TSGA10: variants seen among roughly 807,000 people sequenced by gnomAD.
The protein encoded by TSGA10 is testis specific 10.
Under a neutral mutation model 96.6 loss-of-function variants are expected in TSGA10, and 43 were observed. That is an observed-to-expected ratio of 0.44 (90% CI 0.35 to 0.57). The LOEUF (loss-of-function observed/expected upper bound fraction) is 0.57. Among genes scored for constraint, TSGA10 ranks in the 20% least tolerant of loss-of-function variants. The probability of loss-of-function intolerance (pLI) is 0.01; values close to 1 mark genes in which losing one functional copy is unlikely to be tolerated. For missense variants in TSGA10, 703 were observed against 834.4 expected (o/e 0.84, Z 1.94); for synonymous variants, 229 against 269.9 (o/e 0.85, Z 1.48).
At chr2:99,150,885 G>A in intron 1 of TSGA10, 1 of 1,243,522 alleles carries the variant, frequency 8.0e-7, no homozygotes, top group Non-Finnish European at 1.1e-6. Flanking sequence ...TTGACTAAGG[G>A]GGGTGTTGAA....
At chr2:99,018,873 C>T (rs533622346) in intron 18 of TSGA10, among the ~76,000 whole-genome samples, 1 of 152,254 alleles carries the variant, frequency 6.6e-6, no homozygotes, top group African/African-American at 2.4e-5. Context: ...ATTAGTTAAT[C>T]CTTCTCTGTT....
intron 17 of TSGA10, among the ~76,000 whole-genome samples, chr2:99,025,871 T>G (rs2080517158): frequency 6.6e-6 from 1 of 152,218 alleles, no homozygotes; most frequent in Non-Finnish European, 1.5e-5. Context: ...GGGAATGTGC[T>G]GCTCAATTTT....
intron 4 of TSGA10, among the ~76,000 whole-genome samples, chr2:99,112,173 C>T (rs2091874993): frequency 6.6e-6 from 1 of 152,078 alleles, no homozygotes; most frequent in East Asian, 1.9e-4. Flanking sequence ...TTAATGAATG[C>T]CTACTACCTG....
intron 11 of TSGA10, among the ~76,000 whole-genome samples, chr2:99,080,496 T>C (rs1361828697): frequency 6.6e-6 from 1 of 152,220 alleles, no homozygotes; most frequent in Non-Finnish European, 1.5e-5. Flanking sequence ...CCCAAATATG[T>C]ATCTTTCTCT....
Position 99,103,400 on chromosome 2 carries a change from T to C in TSGA10, c.611+567A>G, listed in dbSNP as rs539150034. ...AGTAAAACCACTCATGTAGAGGTCT[T>C]CAAAAACTCATTCTCCCAAGCTTAT... On this transcript the variant is annotated intron_variant, in intron 10 of 20. Coordinates refer to ENST00000393483, the MANE Select transcript of TSGA10 (RefSeq NM_025244.4). 6.6e-5 allele frequency among the ~76,000 whole-genome samples: 10 copies of C among 152,324 alleles called. No homozygotes were observed. The East Asian group carries it at 1.9e-3, about 29-fold the overall frequency.
chr2:99,018,133 C>T, intron 20 of TSGA10, 67 bp downstream of exon 20: 6 of 1,523,562 alleles, frequency 3.9e-6, no homozygotes, highest in South Asian at 1.3e-5. Context: ...TCCTTATTAC[C>T]CCAAATGTTC....
At chr2:99,122,850 T>C (rs978865855) in intron 2 of TSGA10, among the ~76,000 whole-genome samples, 5 of 151,976 alleles carry the variant, frequency 3.3e-5, no homozygotes, top group African/African-American at 1.2e-4. Flanking sequence ...TTGCTCTATA[T>C]ATTGTTCTTC....
chr2:99,150,392 T>C (rs2093680596), intron 1 of TSGA10: 1 of 690,772 alleles, frequency 1.4e-6, no homozygotes, highest in Admixed American at 3.3e-5. Context: ...ATATTTCTAG[T>C]ATCACCACAG....
In TSGA10 at chr2:99,018,556, T is replaced by C; in HGVS notation, c.1902A>G (p.Leu634=). ...EADLDITKRQ[L]GTERFERERA... is the part of the protein sequence containing the mutation. ...CTTACCTTTCAAAGCGCTCTGTTCCTAGTTGTCTTTTGGTAATGTCTAAAT... is the reference window on the plus strand; with the variant it reads ...CTTACCTTTCAAAGCGCTCTGTTCCCAGTTGTCTTTTGGTAATGTCTAAAT... Residue 634 remains leucine (L), a synonymous_variant, in exon 19 of 21, where the codon CTA becomes CTG. Transcript: ENST00000393483. The C allele has an allele frequency of 1.2e-6, 2 of 1,614,044 alleles. No individual in the cohort carries two copies. Among genetic ancestry groups the C allele is most frequent in the East Asian group, 2.2e-5 (1 of 44,866 alleles).
rs2092865861 is a variant in TSGA10 at position 99,127,037 on chromosome 2, C to T, written c.-492+11G>A. On this transcript the variant is annotated intron_variant, in intron 2 of 20. Transcript: ENST00000393483. ...ATTAAGTCAGGAAAATATGTTGTAACTAAACGCAACCTGTAATTTCAGTGT... is the reference window on the plus strand; with the variant it reads ...ATTAAGTCAGGAAAATATGTTGTAATTAAACGCAACCTGTAATTTCAGTGT... 1 of 1,287,036 alleles carries T rather than the reference C, an allele frequency of 7.8e-7. No homozygotes were observed. Among genetic ancestry groups the T allele is most frequent in the East Asian group, 5.6e-5 (1 of 17,946 alleles). The allele number at this position is 1,287,036 out of a possible 1,614,324, so 79.7% of individuals were successfully genotyped here.
At chr2:99,089,485 C>T (rs374525790) in intron 10 of TSGA10, among the ~76,000 whole-genome samples, 2 of 152,194 alleles carry the variant, frequency 1.3e-5, no homozygotes, top group African/African-American at 4.8e-5. Flanking sequence ...CTTGCTTTCT[C>T]AGCTGGGAGG....
chr2:99,013,978 C>A (rs897254350), intron 20 of TSGA10, among the ~76,000 whole-genome samples: 2 of 151,952 alleles, frequency 1.3e-5, no homozygotes. Context: ...CATGGTGAAA[C>A]CCTGACTCTA....
At chr2:98,998,274 A>G in intron 20 of TSGA10, 53 bp from the exon 21 acceptor site, 1 of 1,467,624 alleles carries the variant, frequency 6.8e-7, no homozygotes, top group Non-Finnish European at 9.4e-7. Context: ...CTTTTTCAAC[A>G]TGTGTAACAA....
intron 10 of TSGA10, among the ~76,000 whole-genome samples, chr2:99,087,388 C>T (rs2088655365): frequency 1.3e-5 from 2 of 152,022 alleles, no homozygotes; most frequent in African/African-American, 4.8e-5. Flanking sequence ...TGCCTGTAAT[C>T]CCAGCTACTT....
intron 20 of TSGA10, 55 bp from the exon 21 acceptor site, chr2:98,998,276 G>T: frequency 6.8e-7 from 1 of 1,462,434 alleles, no homozygotes; most frequent in Non-Finnish European, 9.4e-7. Flanking sequence ...TTTTCAACAT[G>T]TGTAACAAAT....
chr2:99,013,566 C>T lies in TSGA10; in HGVS notation c.2072+4634G>A, dbSNP rs961508613. ...CAGGATGGTCTCAATCTCCTGATGT[C>T]GTGATCCGCCTGCCTCCGCCCCCCA... On this transcript the variant is annotated intron_variant, in intron 20 of 20. Coordinates refer to ENST00000393483, the MANE Select transcript of TSGA10 (RefSeq NM_025244.4). Among the ~76,000 whole-genome samples, 32 of 151,532 alleles carry T rather than the reference C, an allele frequency of 2.1e-4. 1 individual carries two copies. The highest frequency in any genetic ancestry group is 7.5e-4 in the African/African-American group (31 of 41,350).
rs1229946482 is a variant in TSGA10 at position 99,108,893 on chromosome 2, A to C, written c.150T>G (p.Ile50Met). 2 of 1,607,448 alleles carry C rather than the reference A, an allele frequency of 1.2e-6. No individual in the cohort carries two copies. Among genetic ancestry groups the C allele is most frequent in the Non-Finnish European group, 1.7e-6 (2 of 1,178,112 alleles). ...ATTTAAGAACCTTGACATTACCCTGAATTTCTGCCAAATGGCGCTCATATT... is the reference window on the plus strand; with the variant it reads ...ATTTAAGAACCTTGACATTACCCTGCATTTCTGCCAAATGGCGCTCATATT... Reference protein sequence around the residue: ...LEKYERHLAEIQGNVKVLKSE... With the variant: ...LEKYERHLAEMQGNVKVLKSE... The change falls in exon 7 of 21, where the codon ATT (isoleucine) becomes ATG (methionine). Residue 50 changes from isoleucine (I) to methionine (M), a missense_variant. Ile to Met is a conservative substitution (Grantham distance 10, BLOSUM62 1). Coordinates refer to ENST00000393483, the MANE Select transcript of TSGA10 (RefSeq NM_025244.4).
chr2:99,027,746 G>C (rs1005173458), intron 17 of TSGA10, among the ~76,000 whole-genome samples: 2 of 152,200 alleles, frequency 1.3e-5, no homozygotes, highest in Middle Eastern at 3.4e-3. Flanking sequence ...TCATCAAATA[G>C]AGACTAATAA....
Position 99,088,445 on chromosome 2 carries a change from T to C in TSGA10, c.612-7048A>G, listed in dbSNP as rs185253789. Among the ~76,000 whole-genome samples, 3 of 152,336 alleles carry C rather than the reference T, an allele frequency of 2.0e-5. No homozygotes were observed. In the East Asian group the frequency reaches 5.8e-4, roughly 29 times the overall value. On this transcript the variant is annotated intron_variant, in intron 10 of 20. Transcript: ENST00000393483. ...GGGTTCAGTATTAATATCTGTGGTT[T>C]CAGGCATCCACTGAGGGTCTTGGGA...
Sources: gnomAD v4.1 joint callset for allele counts (sites outside exome capture counted in the v4.1 genomes callset) on GRCh38, gnomAD v4.1.1 for gene constraint, MANE v1.5 for transcripts, NCBI Gene and HGNC (gene_info 2026-07-23, HGNC 2026-07-21) for gene names.